DDX11: variants seen among roughly 807,000 people sequenced by gnomAD.
DDX11 encodes DEAD/H-box helicase 11, also known as ATP-dependent DNA helicase DDX11.
A neutral mutation model predicts 125.2 loss-of-function variants in DDX11; 72 were observed. The ratio of observed to expected loss-of-function variants is 0.58; its 90% CI spans 0.48 to 0.70. The LOEUF (loss-of-function observed/expected upper bound fraction) is 0.70, where lower values mean the gene tolerates loss of function less well. DDX11 is among the 30% of genes least tolerant of loss of function. DDX11 has a pLI of 0.00. For missense variants in DDX11, 883 were observed against 1,165.0 expected (o/e 0.76, Z 3.52); for synonymous variants, 347 against 452.6 (o/e 0.77, Z 2.96).
In DDX11 at chr12:31,084,129, G is replaced by A. The variant is rs564462210; in HGVS notation, c.393+68G>A. On this transcript the variant is annotated intron_variant, in intron 3 of 26. Transcript: ENST00000542838. ...AGGGCTTCAGCGATTGTTCTGGGGC[G>A]ATTCCGAGACTCAGGCAGTGCATGC... The A allele has an allele frequency of 1.8e-5, 28 of 1,591,858 alleles. No homozygotes were observed. The Admixed American group carries it at 2.5e-4, about 14-fold the overall frequency.
chr12:31,076,381 C>T (rs188663385), intron 1 of DDX11, among the ~76,000 whole-genome samples: 38 of 152,264 alleles, frequency 2.5e-4, no homozygotes, highest in African/African-American at 8.7e-4. Context: ...TGCCTTGCAG[C>T]TTGTAGTCTG....
At chr12:31,098,521 T>C (rs959411603) in intron 18 of DDX11, among the ~76,000 whole-genome samples, 11 of 152,150 alleles carry the variant, frequency 7.2e-5, no homozygotes, top group Admixed American at 1.3e-4. Flanking sequence ...TACACAGATA[T>C]ATAGCATTTC....
At position 31,097,713 on chromosome 12, in the gene DDX11, T is replaced by A. The variant is rs142749578; in HGVS notation, c.1763-172T>A. Among the ~76,000 whole-genome samples the A allele has an allele frequency of 7.0e-4, 103 of 146,266 alleles. No homozygotes were observed. In the East Asian group the frequency reaches 0.018, roughly 26 times the overall value. On this transcript the variant is annotated intron_variant, in intron 17 of 26. Transcript: ENST00000542838. ...AAAAAAAAAAGGATGGAGAGGACAGTGTGGTCCACCTCTGTGGGCTGGTTG... is the reference window on the plus strand; with the variant it reads ...AAAAAAAAAAGGATGGAGAGGACAGAGTGGTCCACCTCTGTGGGCTGGTTG...
intron 11 of DDX11, 39 bp downstream of exon 11, chr12:31,092,931 G>C (rs1565893508): frequency 6.2e-7 from 1 of 1,612,106 alleles, no homozygotes; most frequent in Non-Finnish European, 8.5e-7. Flanking sequence ...ACAGTCCCTT[G>C]GTGGCCCCCT....
intron 18 of DDX11, among the ~76,000 whole-genome samples, chr12:31,099,365 C>T (rs1202946392): frequency 2.0e-5 from 3 of 151,966 alleles, no homozygotes; most frequent in African/African-American, 4.8e-5. Flanking sequence ...AGGCATGAGC[C>T]ACCACGCCTG....
chr12:31,088,465 TC>T (rs1352891613), intron 6 of DDX11, among the ~76,000 whole-genome samples: 2 of 152,226 alleles, frequency 1.3e-5, no homozygotes, highest in African/African-American at 4.8e-5. Flanking sequence ...GGTGTGCTTC[TC>T]CCTTTGTCTG....
At chr12:31,102,675 A>G (rs1322654190) in intron 23 of DDX11, 148 bp downstream of exon 23, 5 of 743,036 alleles carry the variant, frequency 6.7e-6, no homozygotes, top group Non-Finnish European at 9.5e-6. Flanking sequence ...GGAGGGGCTC[A>G]GCAGCTCTGG....
At chr12:31,074,889 C>T (rs1247356177) in intron 1 of DDX11, among the ~76,000 whole-genome samples, 9 of 152,218 alleles carry the variant, frequency 5.9e-5, no homozygotes, top group Non-Finnish European at 1.2e-4. Context: ...GTGGCTTAGA[C>T]ACAGAAATGT....
rs758087317 is a variant in DDX11, at chr12:31,102,285, C to T, written c.2245C>T (p.Leu749=). The part of the protein sequence containing the change: ...PKSAHQVEQV[L]LAYSRCIQAC... The stretch of plus-strand genomic sequence containing the variant: ...GAGCGCACACCAGGTGGAGCAGGTG[C>T]TGCTGGCATATTCCAGGTGCATCCA... The change falls in exon 22 of 27, where the codon CTG becomes TTG. Residue 749 remains leucine (L), a synonymous_variant. Transcript: ENST00000542838. 8.1e-6 allele frequency: 13 copies of T among 1,614,212 alleles called. No individual in the cohort carries two copies. Among genetic ancestry groups the T allele is most frequent in the African/African-American group, 1.3e-5 (1 of 75,070 alleles).
intron 1 of DDX11, among the ~76,000 whole-genome samples, chr12:31,077,296 G>GA (rs1012787572): frequency 2.5e-4 from 37 of 150,986 alleles, no homozygotes; most frequent in African/African-American, 6.6e-4. Flanking sequence ...CAGGAGAGGA[G>GA]AAAAAAAAAG....
At chr12:31,085,451 G>A (rs1258238252) in intron 5 of DDX11, among the ~76,000 whole-genome samples, 1 of 152,268 alleles carries the variant, frequency 6.6e-6, no homozygotes, top group Admixed American at 6.5e-5. Context: ...GCAGTGGAGA[G>A]CTGGGCTAGA....
chr12:31,089,364 G>A, intron 7 of DDX11, 39 bp from the exon 8 acceptor site: 1 of 1,606,272 alleles, frequency 6.2e-7, no homozygotes, highest in Non-Finnish European at 8.5e-7. Context: ...CATTTAGCTG[G>A]CACCATCTTT....
intron 1 of DDX11, among the ~76,000 whole-genome samples, chr12:31,076,098 G>A (rs1387449997): frequency 5.9e-5 from 9 of 152,166 alleles, no homozygotes; most frequent in Non-Finnish European, 1.2e-4. Context: ...AGGCTGACCA[G>A]TGCTCTGTCT....
Position 31,104,227 on chromosome 12 carries a change from C to T in DDX11, c.*391C>T, listed in dbSNP as rs1946888749. The T allele has an allele frequency of 3.8e-6, 3 of 798,474 alleles. No individual in the cohort carries two copies. Among genetic ancestry groups the T allele is most frequent in the Non-Finnish European group, 5.7e-6 (3 of 522,952 alleles). 49.5% of individuals were successfully genotyped at this position (798,474 alleles called of 1,614,324 possible). On this transcript the variant is annotated 3_prime_UTR_variant, in exon 27 of 27. Transcript: ENST00000542838. ...AAGAGGCGAGATGGAGCAGGCCCAT[C>T]TGCCTCTGCCCTTTCTAGCCAAGGT...
At position 31,078,487 on chromosome 12, in the gene DDX11, C is replaced by T. The variant is rs199851675; in HGVS notation, c.94C>T (p.Arg32Trp). ...GGAAGACTTCATGGCAGAGCTGTAC[C>T]GGGTTTTGGAGGCTGGCAAGATTGG... ...IQEDFMAELY[R>W]VLEAGKIGIF... is the part of the protein sequence containing the mutation. The change falls in exon 2 of 27, where the codon CGG (arginine) becomes TGG (tryptophan). Residue 32 changes from arginine (R) to tryptophan (W), a missense_variant. Arg to Trp is a moderately radical substitution (Grantham distance 101). Transcript: ENST00000542838. 2.2e-4 allele frequency: 351 copies of T among 1,611,614 alleles called. 1 individual carries two copies. Among genetic ancestry groups the T allele is most frequent in the Admixed American group, 1.7e-4 (10 of 59,982 alleles).
chr12:31,089,790 A>C, intron 8 of DDX11, 96 bp from the exon 9 acceptor site: 1 of 1,550,340 alleles, frequency 6.5e-7, no homozygotes, highest in Non-Finnish European at 8.7e-7. Flanking sequence ...ACCCTACCCC[A>C]TGGAAGTGGG....
At position 31,103,345 on chromosome 12, in the gene DDX11, G is replaced by C; in HGVS notation, c.2486G>C (p.Gly829Ala). Reference sequence around the variant, plus strand: ...AGAGCCCCCGGCCAGGCACCCCCAGGGAAGGCTCTGGTGGAGAACCTGTGC... The same window carrying C: ...AGAGCCCCCGGCCAGGCACCCCCAGCGAAGGCTCTGGTGGAGAACCTGTGC... ...LPRAPGQAPP[G>A]KALVENLCMK... Residue 829 changes from glycine (G) to alanine (A), a missense_variant, in exon 25 of 27, where the codon GGG becomes GCG. By Grantham distance (60) the Gly-to-Ala change is moderately conservative. Coordinates refer to ENST00000542838, the MANE Select transcript of DDX11 (RefSeq NM_030653.4). 1 of 1,611,240 alleles carries C rather than the reference G, an allele frequency of 6.2e-7. No individual in the cohort carries two copies. Among genetic ancestry groups the C allele is most frequent in the Non-Finnish European group, 8.5e-7 (1 of 1,179,656 alleles).
rs759320098 is a variant in DDX11 at position 31,080,858 on chromosome 12, C to T, written c.144+2321C>T. Among the ~76,000 whole-genome samples, 8 of 152,214 alleles carry T rather than the reference C, an allele frequency of 5.3e-5. No homozygotes were observed. The East Asian group carries it at 5.8e-4, about 11-fold the overall frequency. On this transcript the variant is annotated intron_variant, in intron 2 of 26. Coordinates refer to ENST00000542838, the MANE Select transcript of DDX11 (RefSeq NM_030653.4). Reference sequence around the variant, plus strand: ...CTTCTGGCAACAAGTGATCTTCCCACGTCAGCCTCCTGAGCAGCTGGGACT... The same window carrying T: ...CTTCTGGCAACAAGTGATCTTCCCATGTCAGCCTCCTGAGCAGCTGGGACT...
At chr12:31,077,507 A>G (rs1308341566) in intron 1 of DDX11, among the ~76,000 whole-genome samples, 3 of 151,966 alleles carry the variant, frequency 2.0e-5, no homozygotes, top group Admixed American at 2.0e-4. Context: ...GGTGCTGGAA[A>G]TGGAGGCCAG....
Sources: gnomAD v4.1 joint callset for allele counts (sites outside exome capture counted in the v4.1 genomes callset) on GRCh38, gnomAD v4.1.1 for gene constraint, MANE v1.5 for transcripts, NCBI Gene and HGNC (gene_info 2026-07-23, HGNC 2026-07-21) for gene names.